RIMS2: variants seen among roughly 807,000 people sequenced by gnomAD.
RIMS2 encodes the protein regulating synaptic membrane exocytosis protein 2.
In RIMS2, 59 loss-of-function variants were observed where a neutral mutation model predicts 174.4. The ratio of observed to expected loss-of-function variants is 0.34; its 90% CI spans 0.27 to 0.42. The LOEUF (loss-of-function observed/expected upper bound fraction) is 0.42, where lower values mean the gene tolerates loss of function less well. Among genes scored for constraint, RIMS2 ranks in the 10% least tolerant of loss-of-function variants. RIMS2 has a pLI of 1.00. For synonymous variants in RIMS2, 606 were observed against 572.5 expected, an observed-to-expected ratio of 1.06 and a Z score of -0.84; for missense variants, 1,620 against 1,666.3, an observed-to-expected ratio of 0.97 and a Z score of 0.48.
chr8:104,158,331 T>C (rs956555154), intron 19 of RIMS2, among the ~76,000 whole-genome samples: 1 of 152,234 alleles, frequency 6.6e-6, no homozygotes, highest in Admixed American at 6.5e-5. Context: ...AAGTCTTTGC[T>C]ATTGTGAATA....
chr8:104,249,678 G>C, intron 22 of RIMS2, 90 bp downstream of exon 28: 3 of 727,698 alleles, frequency 4.1e-6, no homozygotes, highest in Non-Finnish European at 7.1e-6. Context: ...CTTTGATTTA[G>C]TTAATCAAGA....
At chr8:104,108,690 A>T (rs1226042639) in intron 19 of RIMS2, among the ~76,000 whole-genome samples, 2 of 152,184 alleles carry the variant, frequency 1.3e-5, no homozygotes, top group African/African-American at 4.8e-5. Context: ...GGAGATGGCA[A>T]AAATAAGAAA....
At chr8:103,719,338 A>G (rs2097417197) in intron 2 of RIMS2, among the ~76,000 whole-genome samples, 1 of 152,180 alleles carries the variant, frequency 6.6e-6, no homozygotes, top group Admixed American at 6.5e-5. Flanking sequence ...TGCTTCTTAT[A>G]CCCAAAAACA....
intron 3 of RIMS2, among the ~76,000 whole-genome samples, chr8:103,850,378 A>G (rs2098991066): frequency 6.6e-6 from 1 of 152,008 alleles, no homozygotes; most frequent in Admixed American, 6.6e-5. Flanking sequence ...AAATTGTCAA[A>G]CAAAATTCTT....
At chr8:103,586,673 T>C (rs2093937992) in intron 1 of RIMS2, among the ~76,000 whole-genome samples, 1 of 151,880 alleles carries the variant, frequency 6.6e-6, no homozygotes, top group African/African-American at 2.4e-5. Context: ...TAATAATGCA[T>C]CTTAAAGAAC....
intron 19 of RIMS2, among the ~76,000 whole-genome samples, chr8:104,048,212 A>G (rs531558657): frequency 6.6e-6 from 1 of 152,316 alleles, no homozygotes; most frequent in Admixed American, 6.5e-5. Flanking sequence ...AAGCCTTAAC[A>G]TCTGAATAAC....
At chr8:103,697,259 C>G in exon 2 of RIMS2, 2 of 1,613,712 alleles carry the variant, frequency 1.2e-6, no homozygotes, top group Non-Finnish European at 1.7e-6. Context: ...AAGTTCTGTG[C>G]TCGTTGTGGA....
Position 103,860,328 on chromosome 8 carries a change from G to A in RIMS2, c.699-24970G>A, listed in dbSNP as rs536901681. ...GGTTCATCTTTTACTTAAGTACTCT[G>A]TTTCACTTTTCTTATTTGTACAAAT... On this transcript the variant is annotated intron_variant, in intron 3 of 23. Coordinates refer to ENST00000504942, the Ensembl canonical transcript of RIMS2. Among the ~76,000 whole-genome samples the A allele has an allele frequency of 1.6e-3, 236 of 152,180 alleles. 4 individuals are homozygous for A. Among genetic ancestry groups the A allele is most frequent in the Middle Eastern group, 3.4e-3 (1 of 294 alleles).
intron 19 of RIMS2, among the ~76,000 whole-genome samples, chr8:104,037,281 G>A (rs2096536796): frequency 6.6e-6 from 1 of 152,154 alleles, no homozygotes; most frequent in South Asian, 2.1e-4. Context: ...CTAAGACTCT[G>A]TGACCTTTAA....
intron 16 of RIMS2, 63 bp downstream of exon 18, chr8:103,975,569 C>T: frequency 8.6e-7 from 1 of 1,157,416 alleles, no homozygotes; most frequent in Admixed American, 1.9e-5. Flanking sequence ...TCCAGAGGGA[C>T]AAAACTAATA....
intron 17 of RIMS2, among the ~76,000 whole-genome samples, chr8:104,008,485 T>TTGTG (rs150330985): frequency 0.013 from 1,866 of 148,422 alleles, 20 homozygotes; most frequent in African/African-American, 0.021. Flanking sequence ...TCTTATATGT[T>TTGTG]TGTGTGTGTG....
chr8:103,612,900 C>T (rs1397842821), intron 1 of RIMS2, among the ~76,000 whole-genome samples: 3 of 152,166 alleles, frequency 2.0e-5, no homozygotes, highest in African/African-American at 4.8e-5. Context: ...TACTTTCTTC[C>T]AGACAAATGG....
chr8:103,558,173 A>G (rs1434890623), intron 1 of RIMS2, among the ~76,000 whole-genome samples: 1 of 152,198 alleles, frequency 6.6e-6, no homozygotes, highest in South Asian at 2.1e-4. Context: ...CCAGCAATTC[A>G]AAATTTGATA....
At chr8:103,609,817 T>C (rs1322477831) in intron 1 of RIMS2, among the ~76,000 whole-genome samples, 1 of 152,230 alleles carries the variant, frequency 6.6e-6, no homozygotes, top group African/African-American at 2.4e-5. Context: ...ATTTCTGCTC[T>C]TTTTTGCTTC....
chr8:104,153,231 T>C (rs2098701108), intron 19 of RIMS2, among the ~76,000 whole-genome samples: 1 of 152,140 alleles, frequency 6.6e-6, no homozygotes, highest in African/African-American at 2.4e-5. Context: ...GAGTATGACT[T>C]GATAGGCATC....
chr8:103,960,975 A>T, intron 14 of RIMS2, 90 bp from the exon 17 acceptor site: 1 of 756,836 alleles, frequency 1.3e-6, no homozygotes, highest in Non-Finnish European at 2.4e-6. Context: ...TGATTCACTC[A>T]GAATATTTTC....
At chr8:103,942,019 G>A (rs911956602) in intron 13 of RIMS2, among the ~76,000 whole-genome samples, 2 of 152,062 alleles carry the variant, frequency 1.3e-5, no homozygotes, top group African/African-American at 4.8e-5. Flanking sequence ...TTAAGTTCAG[G>A]GATACATGTG....
intron 19 of RIMS2, among the ~76,000 whole-genome samples, chr8:104,080,365 A>G (rs1222202735): frequency 6.6e-6 from 1 of 152,014 alleles, no homozygotes; most frequent in Non-Finnish European, 1.5e-5. Context: ...TAGATTTGAA[A>G]TATATTTTCT....
chr8:104,199,147 C>T (rs1195449323), intron 19 of RIMS2, among the ~76,000 whole-genome samples: 7 of 152,098 alleles, frequency 4.6e-5, no homozygotes, highest in South Asian at 2.1e-4. Context: ...CTGCAAGCTC[C>T]GCTTCCAGGG....
Sources: gnomAD v4.1 joint callset for allele counts (sites outside exome capture counted in the v4.1 genomes callset) on GRCh38, gnomAD v4.1.1 for gene constraint, MANE v1.5 for transcripts, NCBI Gene and HGNC (gene_info 2026-07-23, HGNC 2026-07-21) for gene names.